The following UBR2 variants were observed in gnomAD, a reference collection of about 807,000 sequenced individuals.
UBR2 encodes E3 ubiquitin-protein ligase UBR2.
A neutral mutation model predicts 247.9 loss-of-function variants in UBR2; 92 were observed. That is an observed-to-expected ratio of 0.37 (90% CI 0.31 to 0.44). The LOEUF (loss-of-function observed/expected upper bound fraction) is 0.44. Among genes scored for constraint, UBR2 ranks in the 20% least tolerant of loss-of-function variants. UBR2 has a pLI of 1.00. For synonymous variants in UBR2, 672 were observed against 693.5 expected (o/e 0.97, Z 0.49); for missense variants, 1,613 against 2,112.6 (o/e 0.76, Z 4.64).
At chr6:42,643,176 C>T (rs1199300761) in intron 18 of UBR2, among the ~76,000 whole-genome samples, 2 of 152,110 alleles carry the variant, frequency 1.3e-5, no homozygotes, top group African/African-American at 4.8e-5. Context: ...TCTTCAGCAC[C>T]CTACCCCCAC....
At chr6:42,674,742 CAG>C (rs1171918266) in intron 38 of UBR2, among the ~76,000 whole-genome samples, 1 of 150,986 alleles carries the variant, frequency 6.6e-6, no homozygotes, top group East Asian at 1.9e-4. Context: ...GCCTGGATGA[CAG>C]AGCAAGACCC....
chr6:42,631,106 G>C (rs1329098696), intron 11 of UBR2, among the ~76,000 whole-genome samples: 1 of 152,130 alleles, frequency 6.6e-6, no homozygotes, highest in Non-Finnish European at 1.5e-5. Flanking sequence ...ACCTGGCCTT[G>C]TTCTACGTTT....
At chr6:42,586,538 CTTTT>C (rs147830824) in intron 2 of UBR2, among the ~76,000 whole-genome samples, 8 of 97,256 alleles carry the variant, frequency 8.2e-5, no homozygotes, top group African/African-American at 2.6e-4. Flanking sequence ...GTTTGTCTCT[CTTTT>C]TTTTTTTTTT....
At position 42,606,566 on chromosome 6, in the gene UBR2, CTTAA is replaced by C. The variant is rs763439262; in HGVS notation, c.802-20_802-17del. ...AATATTGAATACAATACTTTTACAG[CTTAA>C]TTTTAAATATCTTTACAGGGGCGTA... is the stretch of plus-strand genomic sequence containing the variant. On this transcript the variant is annotated intron_variant, in intron 6 of 46. Transcript: ENST00000372901. 7.5e-6 allele frequency: 12 copies of C among 1,602,462 alleles called. No individual in the cohort carries two copies. In the African/African-American group the frequency reaches 1.6e-4, roughly 21 times the overall value.
intron 4 of UBR2, among the ~76,000 whole-genome samples, chr6:42,602,659 A>G (rs922055320): frequency 4.0e-5 from 6 of 148,422 alleles, no homozygotes; most frequent in African/African-American, 1.5e-4. Context: ...ATACAAATAT[A>G]TTTTATAAAA....
At chr6:42,615,885 C>A in intron 9 of UBR2, 117 bp from the exon 10 acceptor site, 1 of 731,412 alleles carries the variant, frequency 1.4e-6, no homozygotes, top group African/African-American at 1.8e-5. Flanking sequence ...CAGCAAGACA[C>A]TGTCTCAAAA....
At chr6:42,603,524 A>G in intron 4 of UBR2, 64 bp from the exon 5 acceptor site, 1 of 1,408,982 alleles carries the variant, frequency 7.1e-7, no homozygotes, top group Non-Finnish European at 9.2e-7. Context: ...TGGAAGCAGA[A>G]TGAAAATTAA....
chr6:42,595,315 A>G (rs1792898883), intron 4 of UBR2, among the ~76,000 whole-genome samples: 1 of 152,186 alleles, frequency 6.6e-6, no homozygotes. Context: ...CTCTTCTGCT[A>G]CATTTTATGA....
chr6:42,596,962 A>T (rs1306848420), intron 4 of UBR2, among the ~76,000 whole-genome samples: 1 of 152,198 alleles, frequency 6.6e-6, no homozygotes, highest in East Asian at 1.9e-4. Flanking sequence ...TCACTTTAAA[A>T]TGGTTAATTT....
At chr6:42,688,422 G>A (rs917607851) in intron 45 of UBR2, 36 bp downstream of exon 45, 1 of 1,608,986 alleles carries the variant, frequency 6.2e-7, no homozygotes, top group Admixed American at 1.7e-5. Context: ...CTTTGGATCT[G>A]CCTCAGTATC....
chr6:42,603,117 T>C (rs967993195), intron 4 of UBR2, among the ~76,000 whole-genome samples: 1 of 152,184 alleles, frequency 6.6e-6, no homozygotes, highest in Admixed American at 6.6e-5. Flanking sequence ...ACAACATCAG[T>C]GGGCAGTTTT....
At chr6:42,627,068 A>T (rs1455870335) in intron 11 of UBR2, among the ~76,000 whole-genome samples, 1 of 152,096 alleles carries the variant, frequency 6.6e-6, no homozygotes, top group African/African-American at 2.4e-5. Flanking sequence ...TTATTACTCA[A>T]ATCAGCCACC....
At chr6:42,569,942 C>G (rs908780374) in intron 1 of UBR2, among the ~76,000 whole-genome samples, 1 of 152,200 alleles carries the variant, frequency 6.6e-6, no homozygotes, top group Non-Finnish European at 1.5e-5. Flanking sequence ...GCTTATTACT[C>G]TCTTATGCCA....
At position 42,676,038 on chromosome 6, in the gene UBR2, C is replaced by T. The variant is rs1463019946; in HGVS notation, c.4252-18C>T. On this transcript the variant is annotated intron_variant, in intron 38 of 46. Transcript: ENST00000372901. ...AAAGGAAAGGCGATCTGTCTGATGT[C>T]CTGTGTTTGGTGCCTAGGTGGGCTT... 1.9e-6 allele frequency: 3 copies of T among 1,600,112 alleles called. No individual in the cohort carries two copies. The highest frequency in any genetic ancestry group is 2.6e-6 in the Non-Finnish European group (3 of 1,175,682).
intron 4 of UBR2, among the ~76,000 whole-genome samples, chr6:42,596,806 G>T (rs1793006408): frequency 6.6e-6 from 1 of 152,144 alleles, no homozygotes; most frequent in African/African-American, 2.4e-5. Context: ...AAAACAGATT[G>T]GTAGTTGCCA....
At chr6:42,620,994 T>G (rs561119965) in intron 11 of UBR2, among the ~76,000 whole-genome samples, 52 of 152,188 alleles carry the variant, frequency 3.4e-4, no homozygotes, top group African/African-American at 1.2e-3. Flanking sequence ...TTTGTTTGTT[T>G]GTATTTTTAG....
chr6:42,591,950 T>C (rs938386007), intron 2 of UBR2, among the ~76,000 whole-genome samples: 2 of 152,200 alleles, frequency 1.3e-5, no homozygotes, highest in Non-Finnish European at 2.9e-5. Flanking sequence ...CTAGCACACA[T>C]CCATTATGGA....
Position 42,659,512 on chromosome 6 carries a change from AATAT to A in UBR2, c.3243-138_3243-135del, listed in dbSNP as rs201644942. The A allele has an allele frequency of 2.2e-4, 114 of 523,334 alleles. No individual in the cohort carries two copies. Among genetic ancestry groups the A allele is most frequent in the Non-Finnish European group, 2.9e-4 (99 of 341,720 alleles). 32.4% of individuals were successfully genotyped at this position (523,334 alleles called of 1,614,324 possible). ...AAGACTCTGTCTCAAAAAATAAATA[AATAT>A]ATATACACACACACACACACACACA... On this transcript the variant is annotated intron_variant, in intron 29 of 46. Transcript: ENST00000372901. The surrounding 1 kb of genome is among the most constrained non-coding windows in gnomAD (Gnocchi z 4.3).
At chr6:42,578,733 A>G (rs1254555701) in intron 2 of UBR2, among the ~76,000 whole-genome samples, 1 of 152,052 alleles carries the variant, frequency 6.6e-6, no homozygotes, top group East Asian at 1.9e-4. Flanking sequence ...AGACCTACGT[A>G]TTTCCATGAA....
Sources: allele counts gnomAD v4.1 joint callset (sites outside exome capture counted in the v4.1 genomes callset), GRCh38; gene constraint gnomAD v4.1.1; non-coding constraint Gnocchi (gnomAD v3.1); transcripts MANE v1.5; gene names NCBI Gene and HGNC (gene_info 2026-07-23, HGNC 2026-07-21).